The following RPS6KA3 variants were observed in gnomAD, a reference collection of about 807,000 sequenced individuals.
The protein encoded by RPS6KA3 is ribosomal protein S6 kinase alpha-3.
RPS6KA3 carries 4 observed loss-of-function variants against 67.2 expected under a neutral mutation model. That is an observed-to-expected ratio of 0.06 (90% CI 0.03 to 0.14). The LOEUF is 0.14. RPS6KA3 is among the 10% of genes least tolerant of loss of function. The pLI is 1.00. For missense variants in RPS6KA3, 204 were observed against 559.0 expected, an observed-to-expected ratio of 0.36 and a Z score of 6.40; for synonymous variants, 182 against 183.7, an observed-to-expected ratio of 0.99 and a Z score of 0.07.
intron 1 of RPS6KA3, among the ~76,000 whole-genome samples, chrX:20,262,518 G>A (rs898024746): frequency 2.7e-5 from 3 of 111,969 alleles, no homozygotes; most frequent in African/African-American, 9.7e-5. Context: ...AAATTTAAAT[G>A]CATCCAGCAA....
chrX:20,202,181 C>T (rs190592469), intron 4 of RPS6KA3, among the ~76,000 whole-genome samples: 1 of 108,541 alleles, frequency 9.2e-6, no homozygotes, highest in Admixed American at 9.9e-5. Context: ...CGGGGTTTTG[C>T]CATGTTGGGC....
rs2067398530 is a variant in RPS6KA3 at position 20,164,974 on chromosome X, G to A, written c.1689C>T (p.Gly563=). Residue 563 remains glycine (G), a synonymous_variant, in exon 18 of 22, where the codon GGC becomes GGT. Transcript: ENST00000379565. Reference sequence around the variant, plus strand: ...TTTCCGCTCTCAGCTGTTTTGCAAAGCCAAAATCACAAATTCGAATAGATT... The same window carrying A: ...TTTCCGCTCTCAGCTGTTTTGCAAAACCAAAATCACAAATTCGAATAGATT... The part of the protein sequence containing the change: ...NPESIRICDF[G]FAKQLRAENG... The A allele has an allele frequency of 1.7e-6, 2 of 1,204,727 alleles. No homozygotes were observed. The highest frequency in any genetic ancestry group is 2.2e-6 in the Non-Finnish European group (2 of 889,117).
intron 12 of RPS6KA3, 28 bp downstream of exon 12, chrX:20,176,406 T>C: frequency 4.4e-6 from 5 of 1,141,207 alleles, no homozygotes; most frequent in Non-Finnish European, 6.0e-6. Context: ...AAAGAAATAT[T>C]TCAAGCAAGT....
chrX:20,196,908 C>T (rs984978710), intron 4 of RPS6KA3, among the ~76,000 whole-genome samples: 2 of 111,588 alleles, frequency 1.8e-5, no homozygotes, highest in Admixed American at 9.5e-5. Context: ...GGTGTGACCT[C>T]GGCTCGCTGC....
intron 1 of RPS6KA3, chrX:20,240,641 G>A (rs2069527996): frequency 4.4e-6 from 1 of 228,655 alleles, no homozygotes; most frequent in African/African-American, 3.0e-5. Context: ...AAAGACTTAT[G>A]TACAGTGATA....
chrX:20,253,621 T>C lies in RPS6KA3; in HGVS notation c.69+12943A>G, dbSNP rs750836856. On this transcript the variant is annotated intron_variant, in intron 1 of 21. Coordinates refer to ENST00000379565, the MANE Select transcript of RPS6KA3 (RefSeq NM_004586.3). The stretch of plus-strand genomic sequence containing the variant: ...TCCTCTATCTTGGCAGAACCAGATG[T>C]ATCCTCCAAGTGATTAATTTTTATG... 8.9e-5 allele frequency among the ~76,000 whole-genome samples: 10 copies of C among 111,740 alleles called. 1 individual carries two copies. In the South Asian group the frequency reaches 3.4e-3, roughly 38 times the overall value.
intron 2 of RPS6KA3, among the ~76,000 whole-genome samples, chrX:20,226,698 C>G (rs766853739): frequency 8.9e-6 from 1 of 112,100 alleles, no homozygotes; most frequent in African/African-American, 3.2e-5. Context: ...AAAAGCATTT[C>G]AAGGCTTGTA....
intron 2 of RPS6KA3, among the ~76,000 whole-genome samples, chrX:20,211,091 TA>T (rs1371634795): frequency 9.0e-6 from 1 of 111,079 alleles, no homozygotes; most frequent in Non-Finnish European, 1.9e-5. Context: ...GAGCACCTAC[TA>T]CATATCAACC....
chrX:20,259,648 G>A (rs1472068868), intron 1 of RPS6KA3, among the ~76,000 whole-genome samples: 1 of 111,272 alleles, frequency 9.0e-6, no homozygotes, highest in Non-Finnish European at 1.9e-5. Context: ...GTTCTGCAAA[G>A]CACTTTGTGT....
chrX:20,183,852 T>C (rs1251634062), intron 10 of RPS6KA3, among the ~76,000 whole-genome samples: 1 of 112,089 alleles, frequency 8.9e-6, no homozygotes, highest in Non-Finnish European at 1.9e-5. Flanking sequence ...AGCCACTAGC[T>C]ACATATGGCT....
intron 1 of RPS6KA3, among the ~76,000 whole-genome samples, chrX:20,237,196 C>T (rs1005467712): frequency 2.7e-5 from 3 of 111,298 alleles, no homozygotes; most frequent in African/African-American, 9.8e-5. Flanking sequence ...CACCAATCTG[C>T]TCCCTCTCCT....
chrX:20,177,676 A>G (rs940301111), intron 10 of RPS6KA3, among the ~76,000 whole-genome samples: 1 of 112,423 alleles, frequency 8.9e-6, no homozygotes, highest in Non-Finnish European at 1.9e-5. Context: ...GCCTGTTATC[A>G]TTTCTTCATA....
chrX:20,258,747 T>C (rs1038986276), intron 1 of RPS6KA3, among the ~76,000 whole-genome samples: 1 of 112,483 alleles, frequency 8.9e-6, no homozygotes, highest in Non-Finnish European at 1.9e-5. Flanking sequence ...ATTTAACTTA[T>C]GGTTGTAATT....
chrX:20,241,016 A>C (rs748489851), intron 1 of RPS6KA3, among the ~76,000 whole-genome samples: 1 of 111,250 alleles, frequency 9.0e-6, no homozygotes, highest in Admixed American at 9.5e-5. Flanking sequence ...GAAAAACAAT[A>C]CATGTAATTA....
At chrX:20,185,947 T>A (rs993938273) in intron 10 of RPS6KA3, among the ~76,000 whole-genome samples, 1 of 112,057 alleles carries the variant, frequency 8.9e-6, no homozygotes, top group African/African-American at 3.2e-5. Flanking sequence ...TTTATTTTAT[T>A]TTACTTTTTT....
At chrX:20,266,516 G>A (rs1226490476) in intron 1 of RPS6KA3, 48 bp downstream of exon 1, 1 of 1,039,832 alleles carries the variant, frequency 9.6e-7, no homozygotes, top group South Asian at 2.0e-5. Flanking sequence ...GAGCCGGCGG[G>A]GGCGCGAGGA....
chrX:20,238,847 T>C (rs1379812036), intron 1 of RPS6KA3, among the ~76,000 whole-genome samples: 1 of 111,324 alleles, frequency 9.0e-6, no homozygotes, highest in Non-Finnish European at 1.9e-5. Flanking sequence ...AAAACAAGGA[T>C]TCAAATGTTA....
intron 1 of RPS6KA3, among the ~76,000 whole-genome samples, chrX:20,244,795 G>T (rs1410715379): frequency 1.8e-5 from 2 of 111,909 alleles, no homozygotes; most frequent in Admixed American, 1.9e-4. Flanking sequence ...GAGTTCTTCA[G>T]CACATGTTCT....
At position 20,266,728 on chromosome X, in the gene RPS6KA3, C is replaced by T; in HGVS notation, c.-96G>A. 1 of 250,793 alleles carries T rather than the reference C, an allele frequency of 4.0e-6. No homozygotes were observed. The allele number at this position is 250,793 out of a possible 1,213,427, so 20.7% of individuals were successfully genotyped here. Reference sequence around the variant, plus strand: ...CGCCGCCCGAGCCCCACGGCAGCGGCGGCGGCGGCGGCGGCGGCGGCAGCG... The same window carrying T: ...CGCCGCCCGAGCCCCACGGCAGCGGTGGCGGCGGCGGCGGCGGCGGCAGCG... On this transcript the variant is annotated 5_prime_UTR_variant, in exon 1 of 22. Coordinates refer to ENST00000379565, the MANE Select transcript of RPS6KA3 (RefSeq NM_004586.3).
Sources: gnomAD v4.1 joint callset for allele counts (sites outside exome capture counted in the v4.1 genomes callset) on GRCh38, gnomAD v4.1.1 for gene constraint, MANE v1.5 for transcripts, NCBI Gene and HGNC (gene_info 2026-07-23, HGNC 2026-07-21) for gene names.